AK3: variants seen among roughly 807,000 people sequenced by gnomAD.
The protein encoded by AK3 is GTP:AMP phosphotransferase AK3, mitochondrial.
Under a neutral mutation model 23.7 loss-of-function variants are expected in AK3, and 27 were observed. The observed-to-expected ratio is 1.14, with a 90% CI of 0.84 to 1.57. AK3 has a LOEUF of 1.57. AK3 is among the 40% of genes most tolerant of loss of function. The pLI is 0.00. For missense variants in AK3, 406 were observed against 285.6 expected, an observed-to-expected ratio of 1.42 and a Z score of -3.04; for synonymous variants, 159 against 116.0, an observed-to-expected ratio of 1.37 and a Z score of -2.38.
At chr9:4,738,622 G>C (rs987170530) in intron 1 of AK3, among the ~76,000 whole-genome samples, 6 of 147,418 alleles carry the variant, frequency 4.1e-5, no homozygotes, top group African/African-American at 9.9e-5. Context: ...GAAAAAAAAA[G>C]AATAAAAGAA....
rs1841558325 is a variant in AK3 at position 4,711,408 on chromosome 9, A to C, written c.*1568T>G. On this transcript the variant is annotated 3_prime_UTR_variant, in exon 5 of 5. Coordinates refer to ENST00000381809, the MANE Select transcript of AK3 (RefSeq NM_016282.4). ...TTAACATTCAAATAAGGCATTATAG[A>C]AAGTTTTATAAAGAATGAAGTGTTT... 1.3e-5 allele frequency: 2 copies of C among 152,670 alleles called. No individual in the cohort carries two copies. 9.5% of individuals were successfully genotyped at this position (152,670 alleles called of 1,614,324 possible). A position where few individuals can be genotyped will look rare whatever the true frequency, so the allele number is the denominator to read the frequency against.
At position 4,712,113 on chromosome 9, in the gene AK3, G is replaced by T. The variant is rs1287867947; in HGVS notation, c.*863C>A. 6.6e-6 allele frequency: 1 copy of T among 151,950 alleles called. No homozygotes were observed. The highest frequency in any genetic ancestry group is 2.4e-5 in the African/African-American group (1 of 41,370). The allele number at this position is 151,950 out of a possible 1,614,324, so 9.4% of individuals were successfully genotyped here. A position where few individuals can be genotyped will look rare whatever the true frequency, so the allele number is the denominator to read the frequency against. On this transcript the variant is annotated 3_prime_UTR_variant, in exon 5 of 5. Transcript: ENST00000381809. ...CTATAACTTGTTATTTATCAGGGCA[G>T]ATCACACATTTGGATCAAAAAGAAA...
rs184541612 is a variant in AK3, at chr9:4,710,218, T to C, written c.*2758A>G. The stretch of plus-strand genomic sequence containing the variant: ...GTTGAGGTGCTGTTCTCCCTGGCTT[T>C]TTTTTTTGAGACGGAGTCTCCCTCT... On this transcript the variant is annotated 3_prime_UTR_variant, in exon 5 of 5. Coordinates refer to ENST00000381809, the MANE Select transcript of AK3 (RefSeq NM_016282.4). 6.6e-6 allele frequency: 1 copy of C among 152,416 alleles called. No individual in the cohort carries two copies. Among genetic ancestry groups the C allele is most frequent in the Admixed American group, 6.5e-5 (1 of 15,300 alleles). The allele number at this position is 152,416 out of a possible 1,614,324, so 9.4% of individuals were successfully genotyped here.
In AK3 at chr9:4,722,612, T is replaced by A; in HGVS notation, c.165A>T (p.Leu55Phe). ...NMLRGTEIGV[L>F]AKAFIDQGKL... ...TCCCTTGGTCAATGAAAGCCTTGGCTAACACGCCAATTTCTACAGCAAAGC... is the reference window on the plus strand; with the variant it reads ...TCCCTTGGTCAATGAAAGCCTTGGCAAACACGCCAATTTCTACAGCAAAGC... The change falls in exon 2 of 5, where the codon TTA (leucine) becomes TTT (phenylalanine). Residue 55 changes from leucine (L) to phenylalanine (F), a missense_variant. Leu to Phe is a conservative substitution (Grantham distance 22). Transcript: ENST00000381809. The A allele has an allele frequency of 1.2e-6, 2 of 1,614,156 alleles. No individual in the cohort carries two copies. The highest frequency in any genetic ancestry group is 2.2e-5 in the South Asian group (2 of 91,084).
At chr9:4,714,141 T>TATACACCTACAC (rs1841651935) in intron 4 of AK3, among the ~76,000 whole-genome samples, 1 of 99,866 alleles carries the variant, frequency 1.0e-5, no homozygotes, top group African/African-American at 3.6e-5. Flanking sequence ...CACCTACACA[T>TATACACCTACAC]ATACACACCT....
intron 1 of AK3, among the ~76,000 whole-genome samples, chr9:4,728,057 A>G (rs1455462155): frequency 6.6e-6 from 1 of 152,200 alleles, no homozygotes; most frequent in African/African-American, 2.4e-5. Context: ...TAGTAACATC[A>G]AAGATCACTG....
intron 1 of AK3, among the ~76,000 whole-genome samples, chr9:4,723,007 G>A (rs1441346081): frequency 6.6e-6 from 1 of 152,202 alleles, no homozygotes; most frequent in African/African-American, 2.4e-5. Flanking sequence ...GGAGGCAGAG[G>A]TTGCAGTGAG....
Position 4,741,046 on chromosome 9 carries a change from C to T in AK3, c.42G>A (p.Gly14=), listed in dbSNP as rs1343462205. 6.4e-6 allele frequency: 10 copies of T among 1,572,210 alleles called. No individual in the cohort carries two copies. Among genetic ancestry groups the T allele is most frequent in the Middle Eastern group, 1.8e-4 (1 of 5,592 alleles). The change falls in exon 1 of 5, where the codon GGG becomes GGA. Residue 14 remains glycine (G), a synonymous_variant. Transcript: ENST00000381809. ...SARLLRAVIM[G]APGSGKGTVS... ...CGGTGCCCTTGCCCGAGCCCGGGGC[C>T]CCCATGATCACCGCTCGCAGCAGCC...
At position 4,719,137 on chromosome 9, in the gene AK3, C is replaced by T. The variant is rs767128247; in HGVS notation, c.442G>A (p.Val148Met). The change falls in exon 3 of 5, where the codon GTG becomes ATG. Residue 148 changes from valine (V) to methionine (M), a missense_variant and splice_region_variant. Physicochemically the swap from Val to Met is conservative, Grantham distance 21. Transcript: ENST00000381809. ...YNIEFNPPKTVGIDDLTGEPL... is the reference protein window; with the variant it reads ...YNIEFNPPKTMGIDDLTGEPL... ...ACAGTTCCACAACAACTACTCACCACAGTTTTGGGAGGGTTGAATTCAATG... is the reference window on the plus strand; with the variant it reads ...ACAGTTCCACAACAACTACTCACCATAGTTTTGGGAGGGTTGAATTCAATG... The T allele has an allele frequency of 2.5e-6, 4 of 1,611,722 alleles. No homozygotes were observed. The highest frequency in any genetic ancestry group is 3.4e-6 in the Non-Finnish European group (4 of 1,179,838).
At chr9:4,724,906 T>A (rs2130891198) in intron 1 of AK3, among the ~76,000 whole-genome samples, 1 of 152,168 alleles carries the variant, frequency 6.6e-6, no homozygotes, top group East Asian at 1.9e-4. Context: ...TAACAAATGC[T>A]CCTGGGACAA....
At chr9:4,720,965 C>T (rs908789372) in intron 2 of AK3, among the ~76,000 whole-genome samples, 2 of 152,152 alleles carry the variant, frequency 1.3e-5, no homozygotes, top group African/African-American at 2.4e-5. Flanking sequence ...GTCTCTCCAC[C>T]CATGTAATCC....
At chr9:4,717,811 T>C (rs1263897101) in intron 4 of AK3, among the ~76,000 whole-genome samples, 1 of 152,238 alleles carries the variant, frequency 6.6e-6, no homozygotes, top group Non-Finnish European at 1.5e-5. Flanking sequence ...CAGGCTAAGT[T>C]ATGGTGCTTG....
upstream of AK3, chr9:4,741,430 G>T: frequency 4.4e-6 from 1 of 227,158 alleles, no homozygotes; most frequent in Non-Finnish European, 8.5e-6. Flanking sequence ...TCCACCGGCC[G>T]CTGGGCCCGG....
chr9:4,720,130 A>G (rs1288147082), intron 2 of AK3, among the ~76,000 whole-genome samples: 1 of 152,178 alleles, frequency 6.6e-6, no homozygotes, highest in Non-Finnish European at 1.5e-5. Flanking sequence ...AAGTCCAGCT[A>G]AAGGAAAACT....
chr9:4,720,604 T>C (rs456549), intron 2 of AK3, among the ~76,000 whole-genome samples: 85,952 of 150,984 alleles, frequency 0.57, 24,905 homozygotes, highest in African/African-American at 0.66. Flanking sequence ...GCAGGAGGAT[T>C]GCCTGAGCTC....
upstream of AK3, chr9:4,741,245 G>A (rs1371838978): frequency 7.5e-6 from 6 of 800,128 alleles, no homozygotes; most frequent in African/African-American, 7.3e-5. Context: ...CAGCCCCTGG[G>A]GCCGCCCAGA....
At chr9:4,741,880 TTCC>T (rs3840735), upstream of AK3, 14 of 151,200 alleles carry the variant, frequency 9.3e-5, no homozygotes, top group East Asian at 5.9e-4. Context: ...CCTTCCCTCC[TTCC>T]TCCTCCTCCT....
In AK3 at chr9:4,710,828, T is replaced by C. The variant is rs1007528486; in HGVS notation, c.*2148A>G. 1.3e-5 allele frequency: 2 copies of C among 152,088 alleles called. No homozygotes were observed. The highest frequency in any genetic ancestry group is 2.9e-5 in the Non-Finnish European group (2 of 68,036). The allele number at this position is 152,088 out of a possible 1,614,324, so 9.4% of individuals were successfully genotyped here. On this transcript the variant is annotated 3_prime_UTR_variant, in exon 5 of 5. Transcript: ENST00000381809. The stretch of plus-strand genomic sequence containing the variant: ...GGGAGGCTGAGGTAGAAGAATTGCG[T>C]GAGCCCAGGAGTTCAACGTTACAGT...
intron 1 of AK3, among the ~76,000 whole-genome samples, chr9:4,730,435 C>A (rs1482983980): frequency 6.6e-6 from 1 of 152,184 alleles, no homozygotes; most frequent in Non-Finnish European, 1.5e-5. Context: ...GATCACTACT[C>A]AGAGATAATT....
Sources: gnomAD v4.1 joint callset for allele counts (sites outside exome capture counted in the v4.1 genomes callset) on GRCh38, gnomAD v4.1.1 for gene constraint, MANE v1.5 for transcripts, NCBI Gene and HGNC (gene_info 2026-07-23, HGNC 2026-07-21) for gene names.